Variants in RSU1 observed in about 807,000 individuals in gnomAD.
RSU1 encodes Ras suppressor protein 1, also known as rsu-1.
A neutral mutation model predicts 31.1 loss-of-function variants in RSU1; 26 were observed. The observed-to-expected ratio is 0.84, with a 90% CI of 0.61 to 1.16. The LOEUF (loss-of-function observed/expected upper bound fraction) is 1.16, where lower values mean the gene tolerates loss of function less well. Among genes scored for constraint, RSU1 ranks in the 50% most tolerant of loss-of-function variants. The pLI, the probability that RSU1 is intolerant of heterozygous loss-of-function variation, is 0.00. For synonymous variants in RSU1, 164 were observed against 136.3 expected (o/e 1.20, Z -1.41); for missense variants, 320 against 339.1 (o/e 0.94, Z 0.44).
chr10:16,722,312 G>C (rs1446151754), intron 7 of RSU1, among the ~76,000 whole-genome samples: 1 of 152,114 alleles, frequency 6.6e-6, no homozygotes. Context: ...ACACTAATGA[G>C]GTGGGAATAT....
At chr10:16,634,676 A>T (rs79430015) in intron 8 of RSU1, among the ~76,000 whole-genome samples, 1,582 of 152,248 alleles carry the variant, frequency 0.01, 22 homozygotes, top group African/African-American at 0.036. Flanking sequence ...CTTTCTATCC[A>T]TTACCATTTG....
At chr10:16,694,998 T>G in intron 8 of RSU1, 25 bp downstream of exon 8, 1 of 1,593,010 alleles carries the variant, frequency 6.3e-7, no homozygotes, top group Admixed American at 1.8e-5. Context: ...CAGTCTACTA[T>G]TTCAGAAAAT....
intron 7 of RSU1, among the ~76,000 whole-genome samples, chr10:16,733,963 A>G (rs1836574313): frequency 6.6e-6 from 1 of 152,242 alleles, no homozygotes; most frequent in African/African-American, 2.4e-5. Context: ...CCAAACAATG[A>G]ACCTTTAACA....
intron 7 of RSU1, among the ~76,000 whole-genome samples, chr10:16,735,378 T>C (rs1230987424): frequency 1.3e-5 from 2 of 152,172 alleles, no homozygotes; most frequent in African/African-American, 4.8e-5. Flanking sequence ...TGAGCAAAAA[T>C]AACCTCTGGC....
chr10:16,789,023 T>C (rs914843743), intron 2 of RSU1, among the ~76,000 whole-genome samples: 1 of 151,916 alleles, frequency 6.6e-6, no homozygotes, highest in African/African-American at 2.4e-5. Flanking sequence ...TCTCCGAAAA[T>C]AGCACAAGCA....
intron 8 of RSU1, among the ~76,000 whole-genome samples, chr10:16,635,249 T>C (rs992485112): frequency 6.6e-6 from 1 of 152,242 alleles, no homozygotes; most frequent in Non-Finnish European, 1.5e-5. Flanking sequence ...ACTTCAATTT[T>C]CTTGAGTTAT....
Position 16,753,016 on chromosome 10 carries a change from C to T in RSU1, c.401-16G>A, listed in dbSNP as rs763075377. The T allele has an allele frequency of 1.9e-6, 3 of 1,606,924 alleles. No homozygotes were observed. The Admixed American group carries it at 5.0e-5, about 27-fold the overall frequency. On this transcript the variant is annotated splice_polypyrimidine_tract_variant and intron_variant, in intron 5 of 8. Coordinates refer to ENST00000345264, the MANE Select transcript of RSU1 (RefSeq NM_012425.4). ...CGCAGGGTGGCTGCAAATTAAACAG[C>T]AATATATAAACAGGGTGGCATGGAA...
chr10:16,635,641 T>A (rs1468269877), intron 8 of RSU1, among the ~76,000 whole-genome samples: 2 of 152,218 alleles, frequency 1.3e-5, no homozygotes, highest in African/African-American at 4.8e-5. Context: ...TTGTCCCCAC[T>A]CTGTTAGCCA....
intron 7 of RSU1, among the ~76,000 whole-genome samples, chr10:16,701,149 T>C (rs1402681212): frequency 6.6e-6 from 1 of 152,200 alleles, no homozygotes; most frequent in Non-Finnish European, 1.5e-5. Context: ...GTTAACAGTA[T>C]GGATTATTCT....
At chr10:16,603,141 C>G (rs1403440184) in intron 8 of RSU1, among the ~76,000 whole-genome samples, 2 of 152,168 alleles carry the variant, frequency 1.3e-5, no homozygotes, top group African/African-American at 4.8e-5. Context: ...AACCTGCTTT[C>G]TGTTCCCAAC....
chr10:16,798,664 G>A (rs534078282), intron 2 of RSU1, among the ~76,000 whole-genome samples: 3 of 152,066 alleles, frequency 2.0e-5, no homozygotes, highest in African/African-American at 4.8e-5. Flanking sequence ...ATCTTGAGCC[G>A]TTCTTTGTAG....
chr10:16,736,349 ACACT>A (rs1836627011), intron 7 of RSU1, among the ~76,000 whole-genome samples: 1 of 152,154 alleles, frequency 6.6e-6, no homozygotes, highest in Non-Finnish European at 1.5e-5. Flanking sequence ...GAACTAGAAA[ACACT>A]CACACTCTGA....
rs147972559 is a variant in RSU1, at chr10:16,691,388, T to A, written c.731+3635A>T. 7.2e-3 allele frequency among the ~76,000 whole-genome samples: 1,093 copies of A among 151,840 alleles called. 18 individuals carry two copies. Among genetic ancestry groups the A allele is most frequent in the African/African-American group, 0.026 (1,059 of 41,412 alleles). ...GCGGCATTTTTGTGCAGTTTTTTTT[T>A]TTTTTTTAATGATTAAGAGTTTGAC... On this transcript the variant is annotated intron_variant, in intron 8 of 8. Coordinates refer to ENST00000345264, the MANE Select transcript of RSU1 (RefSeq NM_012425.4).
intron 3 of RSU1, among the ~76,000 whole-genome samples, chr10:16,778,715 C>G (rs1837592186): frequency 6.6e-6 from 1 of 151,984 alleles, no homozygotes; most frequent in Admixed American, 6.6e-5. Context: ...GAGAGGCAGG[C>G]AAGAGTAGAT....
At chr10:16,601,232 C>T (rs1254023821) in intron 8 of RSU1, among the ~76,000 whole-genome samples, 2 of 152,218 alleles carry the variant, frequency 1.3e-5, no homozygotes, top group African/African-American at 4.8e-5. Flanking sequence ...CTCCATGTCT[C>T]CAGAACTTCA....
chr10:16,750,017 ACT>A (rs1836942539), intron 7 of RSU1, among the ~76,000 whole-genome samples: 1 of 151,876 alleles, frequency 6.6e-6, no homozygotes, highest in Non-Finnish European at 1.5e-5. Context: ...TCAGCAACCA[ACT>A]CTCTCTATGC....
chr10:16,719,332 C>A (rs1836208281), intron 7 of RSU1, among the ~76,000 whole-genome samples: 1 of 152,034 alleles, frequency 6.6e-6, no homozygotes, highest in South Asian at 2.1e-4. Context: ...ACCAGAAAAA[C>A]CCCAATGTCA....
chr10:16,701,289 G>A (rs952330829), intron 7 of RSU1, among the ~76,000 whole-genome samples: 3 of 152,176 alleles, frequency 2.0e-5, no homozygotes, highest in Admixed American at 2.0e-4. Context: ...TGAACATCAC[G>A]CTTGTGGCCC....
At chr10:16,805,786 C>A (rs1396611023) in intron 2 of RSU1, among the ~76,000 whole-genome samples, 11 of 151,018 alleles carry the variant, frequency 7.3e-5, no homozygotes, top group Admixed American at 7.3e-4. Context: ...AATTGCGTGT[C>A]AGGTACCAAA....
Sources: allele counts gnomAD v4.1 joint callset (sites outside exome capture counted in the v4.1 genomes callset), GRCh38; gene constraint gnomAD v4.1.1; transcripts MANE v1.5; gene names NCBI Gene and HGNC (gene_info 2026-07-23, HGNC 2026-07-21).